Variants in NKAIN3 observed in about 807,000 individuals in gnomAD.
NKAIN3 encodes sodium/potassium transporting ATPase interacting 3.
Under a neutral mutation model 30.2 loss-of-function variants are expected in NKAIN3, and 25 were observed. The observed-to-expected ratio is 0.83, with a 90% confidence interval of 0.60 to 1.16. NKAIN3 has a LOEUF of 1.16. NKAIN3 is among the 50% of genes most tolerant of loss of function. The probability of loss-of-function intolerance (pLI) is 0.00; values close to 1 mark genes in which losing one functional copy is unlikely to be tolerated. For synonymous variants in NKAIN3, 91 were observed against 89.6 expected, an observed-to-expected ratio of 1.02 and a Z score of -0.09; for missense variants, 225 against 254.1, an observed-to-expected ratio of 0.89 and a Z score of 0.78.
intron 4 of NKAIN3, among the ~76,000 whole-genome samples, chr8:62,811,328 C>T (rs897685382): frequency 6.6e-6 from 1 of 151,910 alleles, no homozygotes; most frequent in Non-Finnish European, 1.5e-5. Context: ...CTGTTATGAA[C>T]ATTTATGTAA....
At chr8:62,538,601 A>C (rs1050621254) in intron 1 of NKAIN3, among the ~76,000 whole-genome samples, 2 of 152,242 alleles carry the variant, frequency 1.3e-5, no homozygotes, top group Non-Finnish European at 2.9e-5. Flanking sequence ...TTTCAGCCAC[A>C]TAATCAATTC....
chr8:62,960,155 G>A (rs950882312), intron 6 of NKAIN3, among the ~76,000 whole-genome samples: 1 of 152,210 alleles, frequency 6.6e-6, no homozygotes, highest in African/African-American at 2.4e-5. Flanking sequence ...GTAGTATCCA[G>A]TTAGTGCACC....
chr8:62,422,145 T>C (rs989521509), intron 1 of NKAIN3, among the ~76,000 whole-genome samples: 1 of 152,118 alleles, frequency 6.6e-6, no homozygotes, highest in Non-Finnish European at 1.5e-5. Flanking sequence ...CTTTTTTATT[T>C]TATGACAATT....
chr8:62,884,439 G>A (rs750231775), intron 4 of NKAIN3, among the ~76,000 whole-genome samples: 48 of 152,046 alleles, frequency 3.2e-4, no homozygotes, highest in Non-Finnish European at 7.4e-5. Flanking sequence ...TCTATTTTTA[G>A]TAGAGATGGG....
chr8:62,361,102 G>A (rs1289532398), intron 1 of NKAIN3, among the ~76,000 whole-genome samples: 3 of 151,492 alleles, frequency 2.0e-5, no homozygotes, highest in Non-Finnish European at 4.4e-5. Context: ...TATCACCAAC[G>A]CAGTAGAATC....
At chr8:62,554,756 T>C in intron 1 of NKAIN3, among the ~76,000 whole-genome samples, 1 of 152,056 alleles carries the variant, frequency 6.6e-6, no homozygotes, top group East Asian at 1.9e-4. Context: ...TTAACAATAA[T>C]CCTGGTGTTG....
At chr8:62,316,805 G>A (rs1256412195) in intron 1 of NKAIN3, among the ~76,000 whole-genome samples, 1 of 152,108 alleles carries the variant, frequency 6.6e-6, no homozygotes, top group Non-Finnish European at 1.5e-5. Flanking sequence ...GTAATGGGAT[G>A]GCTGGGTCAA....
chr8:62,335,822 G>C (rs1364426076), intron 1 of NKAIN3, among the ~76,000 whole-genome samples: 2 of 151,878 alleles, frequency 1.3e-5, no homozygotes, highest in Non-Finnish European at 2.9e-5. Context: ...TGGGACCCCT[G>C]TGTATCAAAT....
rs1361624441 is a variant in NKAIN3 at position 62,969,998 on chromosome 8, C to T, written c.*4591C>T. On this transcript the variant is annotated 3_prime_UTR_variant, in exon 7 of 7. Coordinates refer to ENST00000623646, the MANE Select transcript of NKAIN3 (RefSeq NM_001304533.3). ...TCACTTGAGGCCAGGAGTTCAAGAC[C>T]AGCTTGGGCAAAATAGTGAGACCGT... is the stretch of plus-strand genomic sequence containing the variant. 1.3e-5 allele frequency among the ~76,000 whole-genome samples: 2 copies of T among 152,028 alleles called. No homozygotes were observed. The highest frequency in any genetic ancestry group is 4.8e-5 in the African/African-American group (2 of 41,404).
At chr8:62,475,443 A>G (rs912305418) in intron 1 of NKAIN3, among the ~76,000 whole-genome samples, 2 of 152,070 alleles carry the variant, frequency 1.3e-5, no homozygotes, top group Non-Finnish European at 2.9e-5. Context: ...TCTGTTCCAG[A>G]CTTTTTTTCA....
At chr8:62,359,169 G>A (rs964261800) in intron 1 of NKAIN3, among the ~76,000 whole-genome samples, 2 of 152,152 alleles carry the variant, frequency 1.3e-5, no homozygotes. Context: ...GTGACAGAGC[G>A]AGACTCCGTA....
Position 62,968,537 on chromosome 8 carries a change from A to G in NKAIN3, c.*3130A>G, listed in dbSNP as rs1259798667. On this transcript the variant is annotated 3_prime_UTR_variant, in exon 7 of 7. Transcript: ENST00000623646. Reference sequence around the variant, plus strand: ...CTTGCATTCATTGGTCAGAATCTTAACTATCTTAAGAGATGGTGCAGCTCT... The same window carrying G: ...CTTGCATTCATTGGTCAGAATCTTAGCTATCTTAAGAGATGGTGCAGCTCT... 1.3e-5 allele frequency among the ~76,000 whole-genome samples: 2 copies of G among 152,190 alleles called. No individual in the cohort carries two copies. Among genetic ancestry groups the G allele is most frequent in the Non-Finnish European group, 1.5e-5 (1 of 68,038 alleles).
intron 1 of NKAIN3, among the ~76,000 whole-genome samples, chr8:62,504,460 A>T (rs1034220995): frequency 1.3e-5 from 2 of 151,910 alleles, no homozygotes; most frequent in African/African-American, 4.8e-5. Context: ...TCCCATAATC[A>T]TTTCCTCTTC....
At chr8:62,553,108 G>T (rs748777580) in intron 1 of NKAIN3, among the ~76,000 whole-genome samples, 2 of 152,106 alleles carry the variant, frequency 1.3e-5, no homozygotes, top group Non-Finnish European at 2.9e-5. Context: ...TATCACTCTA[G>T]TGCAGAAATG....
intron 4 of NKAIN3, among the ~76,000 whole-genome samples, chr8:62,908,751 C>A (rs571917931): frequency 6.6e-6 from 1 of 152,188 alleles, no homozygotes; most frequent in Non-Finnish European, 1.5e-5. Context: ...GTCCATTAAA[C>A]CTCTTTCCTT....
At chr8:62,693,505 C>T (rs1393280394) in intron 3 of NKAIN3, among the ~76,000 whole-genome samples, 2 of 152,178 alleles carry the variant, frequency 1.3e-5, no homozygotes, top group Admixed American at 6.5e-5. Context: ...CATCTTGGCA[C>T]GATATGAATT....
chr8:62,574,672 A>C (rs918619247), intron 1 of NKAIN3, among the ~76,000 whole-genome samples: 1 of 152,048 alleles, frequency 6.6e-6, no homozygotes, highest in Admixed American at 6.6e-5. Context: ...AACAGTGTAC[A>C]GGGTTTCCCT....
At chr8:62,787,485 C>A (rs980483733) in intron 4 of NKAIN3, among the ~76,000 whole-genome samples, 6 of 152,182 alleles carry the variant, frequency 3.9e-5, no homozygotes, top group African/African-American at 1.4e-4. Context: ...GTAACCAGGA[C>A]AAAGAGGAAA....
intron 1 of NKAIN3, among the ~76,000 whole-genome samples, chr8:62,536,555 A>C (rs1808669157): frequency 6.6e-6 from 1 of 152,004 alleles, no homozygotes; most frequent in African/African-American, 2.4e-5. Flanking sequence ...GCATTTCCTG[A>C]ATGTTCCAAG....
Sources: allele counts gnomAD v4.1 joint callset (sites outside exome capture counted in the v4.1 genomes callset), GRCh38; gene constraint gnomAD v4.1.1; transcripts MANE v1.5; gene names NCBI Gene and HGNC (gene_info 2026-07-23, HGNC 2026-07-21).